The following RAB44 variants were observed in gnomAD, a reference collection of about 807,000 sequenced individuals.
RAB44 encodes the protein ras-related protein Rab-44.
In RAB44, 67 loss-of-function variants were observed where a neutral mutation model predicts 93.3. The observed-to-expected ratio is 0.72, with a 90% CI of 0.59 to 0.88. The LOEUF (loss-of-function observed/expected upper bound fraction) is 0.88, where lower values mean the gene tolerates loss of function less well. Ranked by LOEUF, RAB44 falls within the 40% of genes least tolerant of loss-of-function variation. The pLI is 0.00. For missense variants in RAB44, 1,064 were observed against 1,261.7 expected (o/e 0.84, Z 2.37); for synonymous variants, 427 against 520.3 (o/e 0.82, Z 2.44).
chr6:36,705,125 AAAG>A (rs202062028), intron 2 of RAB44, among the ~76,000 whole-genome samples: 7 of 150,506 alleles, frequency 4.7e-5, no homozygotes, highest in African/African-American at 1.0e-4. Flanking sequence ...AAAAAAAAAA[AAAG>A]AAGAATGAGG....
chr6:36,718,281 A>C (rs1202239356), intron 6 of RAB44, among the ~76,000 whole-genome samples, 163 bp downstream of exon 6: 1 of 152,106 alleles, frequency 6.6e-6, no homozygotes, highest in East Asian at 1.9e-4. Context: ...CGAGGTGGGG[A>C]GTGTCGAGCC....
At chr6:36,698,617 T>C (rs1384422925) in intron 1 of RAB44, among the ~76,000 whole-genome samples, 1 of 152,104 alleles carries the variant, frequency 6.6e-6, no homozygotes. Flanking sequence ...GCTATATGTG[T>C]GTCCTAGCCA....
Position 36,728,778 on chromosome 6 carries a change from G to A in RAB44, c.2875G>A (p.Glu959Lys), listed in dbSNP as rs1302276917. Residue 959 changes from glutamate (E) to lysine (K), a missense_variant, in exon 12 of 14, where the codon GAA (glutamate) becomes AAA (lysine). Physicochemically the swap from Glu to Lys is moderately conservative, Grantham distance 56. Transcript: ENST00000612677. The part of the protein sequence containing the change: ...DCEEERQVSV[E>K]AGQQLAQELG... Reference sequence around the variant, plus strand: ...TGAGGAGGAACGGCAAGTGTCCGTGGAAGCTGGGCAGCAACTGGCCCAGGT... The same window carrying A: ...TGAGGAGGAACGGCAAGTGTCCGTGAAAGCTGGGCAGCAACTGGCCCAGGT... 53 of 1,550,486 alleles carry A rather than the reference G, an allele frequency of 3.4e-5. No homozygotes were observed. The highest frequency in any genetic ancestry group is 4.4e-5 in the Non-Finnish European group (51 of 1,146,994).
intron 9 of RAB44, 157 bp from the exon 10 acceptor site, chr6:36,725,705 C>G: frequency 3.2e-6 from 2 of 617,612 alleles, no homozygotes; most frequent in East Asian, 5.6e-5. Flanking sequence ...AGTGGGTCCT[C>G]GAGTATGGAT....
chr6:36,725,085 G>A (rs1763202137), intron 9 of RAB44, among the ~76,000 whole-genome samples: 1 of 152,116 alleles, frequency 6.6e-6, no homozygotes, highest in Non-Finnish European at 1.5e-5. Context: ...CAAAGTTAAG[G>A]CCACCTACCT....
chr6:36,711,950 TACAC>T (rs1182078672), intron 2 of RAB44, among the ~76,000 whole-genome samples: 1 of 150,618 alleles, frequency 6.6e-6, no homozygotes, highest in African/African-American at 2.4e-5. Context: ...GACATATAGA[TACAC>T]AGACACACAG....
intron 9 of RAB44, among the ~76,000 whole-genome samples, chr6:36,723,728 G>C (rs367602964): frequency 6.6e-6 from 1 of 151,430 alleles, no homozygotes; most frequent in Non-Finnish European, 1.5e-5. Flanking sequence ...CCAGCTACTC[G>C]GGAGGCTGAG....
Position 36,717,371 on chromosome 6 carries a change from T to C in RAB44, c.593T>C (p.Leu198Pro), listed in dbSNP as rs545910484. ...AGFLAKMTSR[L>P]QEAQADKEAL... Reference sequence around the variant, plus strand: ...TTTCTGGCCAAGATGACCAGCCGCCTGCAGGAGGCCCAGGCGGACAAGGAG... The same window carrying C: ...TTTCTGGCCAAGATGACCAGCCGCCCGCAGGAGGCCCAGGCGGACAAGGAG... Residue 198 changes from leucine (L) to proline (P), a missense_variant, in exon 5 of 14, where the codon CTG (leucine) becomes CCG (proline). Leu to Pro is a moderately conservative substitution (Grantham distance 98, BLOSUM62 -3). Transcript: ENST00000612677. The surrounding 1 kb of genome is among the most constrained non-coding windows in gnomAD (Gnocchi z 4.1). 4.3e-4 allele frequency: 526 copies of C among 1,232,180 alleles called. 2 individuals carry two copies. The highest frequency in any genetic ancestry group is 5.0e-4 in the Non-Finnish European group (497 of 987,982). 76.3% of individuals were successfully genotyped at this position (1,232,180 alleles called of 1,614,324 possible).
At position 36,711,899 on chromosome 6, in the gene RAB44, T is replaced by C. The variant is rs1422723584; in HGVS notation, c.208-1929T>C. Among the ~76,000 whole-genome samples the C allele has an allele frequency of 2.2e-5, 3 of 135,666 alleles. No homozygotes were observed. In the Admixed American group the frequency reaches 2.3e-4, roughly 10 times the overall value. 89.0% of individuals were successfully genotyped at this position (135,666 alleles called of 152,430 possible). A position where few individuals can be genotyped will look rare whatever the true frequency, so the allele number is the denominator to read the frequency against. On this transcript the variant is annotated intron_variant, in intron 2 of 13. Coordinates refer to ENST00000612677, the MANE Select transcript of RAB44 (RefSeq NM_001257357.2). ...GCTTGAGTGACAGAGTAAGACTCCA[T>C]CTCAAAAAAAAAAAAAAGAGTTAAA...
At chr6:36,702,750 G>A (rs946538107) in intron 1 of RAB44, among the ~76,000 whole-genome samples, 4 of 152,158 alleles carry the variant, frequency 2.6e-5, no homozygotes, top group East Asian at 1.9e-4. Context: ...ACTTGTTCCC[G>A]CAAAGCAGGC....
At position 36,713,710 on chromosome 6, in the gene RAB44, G is replaced by A. The variant is rs1424139438; in HGVS notation, c.208-118G>A. ...TAGGCCCTGGGTCAGGTTACTGGAG[G>A]GACTCTGACATTGGGGTGAGGTGAG... On this transcript the variant is annotated intron_variant, in intron 2 of 13. Transcript: ENST00000612677. 2.9e-5 allele frequency: 20 copies of A among 678,976 alleles called. No homozygotes were observed. The East Asian group carries it at 5.1e-4, about 17-fold the overall frequency. 42.1% of individuals were successfully genotyped at this position (678,976 alleles called of 1,614,324 possible). A position where few individuals can be genotyped will look rare whatever the true frequency, so the allele number is the denominator to read the frequency against.
intron 1 of RAB44, among the ~76,000 whole-genome samples, chr6:36,699,029 G>A (rs780034109): frequency 7.9e-5 from 12 of 152,152 alleles, no homozygotes; most frequent in Non-Finnish European, 1.8e-4. Context: ...GGCACGAGGG[G>A]TGAGTGCACC....
chr6:36,722,707 T>C lies in RAB44; in HGVS notation c.2573T>C (p.Phe858Ser). ...CTGCACCTGCTGCACCAGAATTCTT[T>C]CGCCACCGGATTGACAGCTACCGTG... ...SFLHLLHQNSFATGLTATVGV... is the reference protein window; with the variant it reads ...SFLHLLHQNSSATGLTATVGV... The change falls in exon 9 of 14, where the codon TTC (phenylalanine) becomes TCC (serine). Residue 858 changes from phenylalanine to serine, a missense_variant. Coordinates refer to ENST00000612677, the MANE Select transcript of RAB44 (RefSeq NM_001257357.2). 6.4e-7 allele frequency: 1 copy of C among 1,550,556 alleles called. No individual in the cohort carries two copies. Among genetic ancestry groups the C allele is most frequent in the African/African-American group, 1.4e-5 (1 of 73,154 alleles).
chr6:36,721,688 C>T lies in RAB44; in HGVS notation c.1554C>T (p.Ser518=). 1 of 1,234,424 alleles carries T rather than the reference C, an allele frequency of 8.1e-7. No homozygotes were observed. 76.5% of individuals were successfully genotyped at this position (1,234,424 alleles called of 1,614,324 possible). A position where few individuals can be genotyped will look rare whatever the true frequency, so the allele number is the denominator to read the frequency against. Residue 518 remains serine, a synonymous_variant, in exon 9 of 14, where the codon TCC becomes TCT. Transcript: ENST00000612677. ...NSPPPQAPAG[S]SKQIQASDPD... ...CCCCTCCCCAGGCCCCAGCTGGGTC[C>T]AGCAAACAGATCCAGGCCTCAGACC...
intron 10 of RAB44, among the ~76,000 whole-genome samples, chr6:36,727,137 G>GA (rs1194048490): frequency 1.3e-5 from 2 of 151,852 alleles, no homozygotes; most frequent in East Asian, 1.9e-4. Context: ...CTGTTAACTG[G>GA]AAAAAAACAA....
Position 36,725,934 on chromosome 6 carries a change from G to T in RAB44, c.2672G>T (p.Gly891Val). Residue 891 changes from glycine (G) to valine (V), a missense_variant, in exon 10 of 14, where the codon GGC becomes GTC. Coordinates refer to ENST00000612677, the MANE Select transcript of RAB44 (RefSeq NM_001257357.2). ...GTGCTGCAGCTCTGGGACACAGCTGGCCAAGAGAGGTAACAGGCACTGTAT... is the reference window on the plus strand; with the variant it reads ...GTGCTGCAGCTCTGGGACACAGCTGTCCAAGAGAGGTAACAGGCACTGTAT... Reference protein sequence around the residue: ...CFVLQLWDTAGQERYHSMTRQ... With the variant: ...CFVLQLWDTAVQERYHSMTRQ... 6.4e-7 allele frequency: 1 copy of T among 1,550,548 alleles called. No individual in the cohort carries two copies. Among genetic ancestry groups the T allele is most frequent in the Non-Finnish European group, 8.7e-7 (1 of 1,146,816 alleles).
Position 36,728,763 on chromosome 6 carries a change from C to A in RAB44, c.2860C>A (p.Arg954=). ...LGNKMDCEEE[R]QVSVEAGQQL... is the part of the protein sequence containing the mutation. ...AAACAAGATGGACTGTGAGGAGGAA[C>A]GGCAAGTGTCCGTGGAAGCTGGGCA... The change falls in exon 12 of 14, where the codon CGG becomes AGG. Residue 954 remains arginine (R), a synonymous_variant. Coordinates refer to ENST00000612677, the MANE Select transcript of RAB44 (RefSeq NM_001257357.2). 1 of 1,550,598 alleles carries A rather than the reference C, an allele frequency of 6.4e-7. No individual in the cohort carries two copies.
At chr6:36,704,918 G>A (rs955720029) in intron 2 of RAB44, among the ~76,000 whole-genome samples, 2 of 152,046 alleles carry the variant, frequency 1.3e-5, no homozygotes, top group Admixed American at 6.6e-5. Context: ...TCAGGAGTTC[G>A]AGACCAGCCT....
chr6:36,730,731 C>T lies in RAB44; in HGVS notation c.2957C>T (p.Pro986Leu). 8.1e-7 allele frequency: 1 copy of T among 1,234,076 alleles called. No homozygotes were observed. 76.4% of individuals were successfully genotyped at this position (1,234,076 alleles called of 1,614,324 possible). A position where few individuals can be genotyped will look rare whatever the true frequency, so the allele number is the denominator to read the frequency against. Residue 986 changes from proline to leucine, a missense_variant, in exon 13 of 14, where the codon CCT (proline) becomes CTT (leucine). Transcript: ENST00000612677. ...GCCTTGGGTCACAACATCCTGGAGC[C>T]TGTAGTAAACCTGGCCAGGTAAGTG... ...SAALGHNILE[P>L]VVNLARSLRM...
Sources: gnomAD v4.1 joint callset for allele counts (sites outside exome capture counted in the v4.1 genomes callset) on GRCh38, gnomAD v4.1.1 for gene constraint, Gnocchi (gnomAD v3.1) non-coding constraint, MANE v1.5 for transcripts, NCBI Gene and HGNC (gene_info 2026-07-23, HGNC 2026-07-21) for gene names.